The following RAI14 variants were observed in gnomAD, a reference collection of about 807,000 sequenced individuals.
The protein encoded by RAI14 is ankycorbin.
In RAI14, 45 loss-of-function variants were observed where a neutral mutation model predicts 115.4. The observed-to-expected ratio is 0.39, with a 90% CI of 0.31 to 0.50. The LOEUF (loss-of-function observed/expected upper bound fraction) is 0.50. Among genes scored for constraint, RAI14 ranks in the 20% least tolerant of loss-of-function variants. The probability of loss-of-function intolerance (pLI) is 0.85; values close to 1 mark genes in which losing one functional copy is unlikely to be tolerated. For missense variants in RAI14, 939 were observed against 1,131.2 expected (o/e 0.83, Z 2.44); for synonymous variants, 371 against 415.4 (o/e 0.89, Z 1.30).
rs1355946206 is a variant in RAI14, at chr5:34,813,617, C to CA, written c.816dup (p.Arg273ThrfsTer15). ...ATAAGCTCAGAAAGAAGTGGAACTC[C>CA]AAAAAAACGCAAAGCTCCACCACCT... On this transcript the variant is annotated frameshift_variant, in exon 11 of 18. Coordinates refer to ENST00000265109, the MANE Select transcript of RAI14 (RefSeq NM_015577.3). LOFTEE classifies it high-confidence loss of function. The CA allele has an allele frequency of 6.2e-7, 1 of 1,613,204 alleles. No individual in the cohort carries two copies. The highest frequency in any genetic ancestry group is 1.1e-5 in the South Asian group (1 of 90,996).
At chr5:34,816,957 T>A (rs529394567) in intron 12 of RAI14, among the ~76,000 whole-genome samples, 73 of 151,716 alleles carry the variant, frequency 4.8e-4, no homozygotes, top group African/African-American at 1.7e-3. Context: ...TATTCCTACG[T>A]TAGCTTAGGG....
rs1481940202 is a variant in RAI14, at chr5:34,823,238, C to G, written c.1396C>G (p.Leu466Val). The change falls in exon 15 of 18, where the codon CTG becomes GTG. Residue 466 changes from leucine (L) to valine (V), a missense_variant. By Grantham distance (32) the Leu-to-Val change is conservative. Coordinates refer to ENST00000265109, the MANE Select transcript of RAI14 (RefSeq NM_015577.3). The surrounding 1 kb of genome is among the most constrained non-coding windows in gnomAD (Gnocchi z 4.5). ...QVELQSRRAELVCLNNTEISE... is the reference protein window; with the variant it reads ...QVELQSRRAEVVCLNNTEISE... ...CGAACTCCAATCCCGAAGGGCAGAA[C>G]TGGTATGCTTAAACAACACTGAGAT... is the stretch of plus-strand genomic sequence containing the variant. 1 of 1,614,084 alleles carries G rather than the reference C, an allele frequency of 6.2e-7. No individual in the cohort carries two copies. The highest frequency in any genetic ancestry group is 1.7e-5 in the Admixed American group (1 of 60,030).
chr5:34,796,034 G>A lies in RAI14; in HGVS notation c.256+7G>A. On this transcript the variant is annotated splice_region_variant and intron_variant, in intron 4 of 17. Coordinates refer to ENST00000265109, the MANE Select transcript of RAI14 (RefSeq NM_015577.3). ...ACAGCCCAAGATACTACCGGTATGT[G>A]GTTTTTAGTCTCTTAAGTCAGCAGG... 6.3e-7 allele frequency: 1 copy of A among 1,598,696 alleles called. No homozygotes were observed. The highest frequency in any genetic ancestry group is 8.6e-7 in the Non-Finnish European group (1 of 1,166,830).
At chr5:34,776,357 C>T (rs1217116405) in intron 3 of RAI14, among the ~76,000 whole-genome samples, 1 of 151,624 alleles carries the variant, frequency 6.6e-6, no homozygotes, top group African/African-American at 2.4e-5. Context: ...TTTGATAGCA[C>T]CACAGAATGA....
intron 2 of RAI14, chr5:34,687,623 C>G (rs1423139382): frequency 1.9e-6 from 3 of 1,546,830 alleles, no homozygotes; most frequent in African/African-American, 2.7e-5. Context: ...CCCCATAAAC[C>G]CTTCTATGAT....
intron 2 of RAI14, among the ~76,000 whole-genome samples, chr5:34,754,525 G>GTAGAGACGGGGTTTCACC (rs1284386794): frequency 5.6e-4 from 80 of 142,074 alleles, no homozygotes; most frequent in Non-Finnish European, 8.6e-4. Context: ...ACCACGCCCA[G>GTAGAGACGGGGTTTCACC]GCTCTTACCT....
chr5:34,799,521 C>CACACAG (rs1329762206), intron 4 of RAI14, among the ~76,000 whole-genome samples: 3 of 111,300 alleles, frequency 2.7e-5, no homozygotes, highest in Non-Finnish European at 6.2e-5. Context: ...CACACACACA[C>CACACAG]ACACACACAC....
intron 3 of RAI14, among the ~76,000 whole-genome samples, chr5:34,789,596 T>G (rs1752693856): frequency 6.6e-6 from 1 of 152,146 alleles, no homozygotes; most frequent in Non-Finnish European, 1.5e-5. Context: ...GCCCCTCCTT[T>G]CCCCTCTCTT....
intron 2 of RAI14, among the ~76,000 whole-genome samples, chr5:34,731,667 T>C (rs1744200351): frequency 6.6e-6 from 1 of 152,128 alleles, no homozygotes; most frequent in African/African-American, 2.4e-5. Context: ...AAAAAGGTAA[T>C]AAGCATCTCA....
chr5:34,714,786 T>C (rs1311297913), intron 2 of RAI14, among the ~76,000 whole-genome samples: 1 of 152,220 alleles, frequency 6.6e-6, no homozygotes, highest in Non-Finnish European at 1.5e-5. Flanking sequence ...AGGAACTTGT[T>C]GGTCTGCTGA....
chr5:34,727,929 A>T (rs1006514987), intron 2 of RAI14, among the ~76,000 whole-genome samples: 1 of 152,188 alleles, frequency 6.6e-6, no homozygotes, highest in African/African-American at 2.4e-5. Flanking sequence ...AGCTGTGAGA[A>T]GAAGGCCACT....
At chr5:34,802,110 G>GGCAGAAC (rs1754343361) in intron 4 of RAI14, among the ~76,000 whole-genome samples, 2 of 152,124 alleles carry the variant, frequency 1.3e-5, no homozygotes, top group Admixed American at 1.3e-4. Context: ...GCTTGATATT[G>GGCAGAAC]CCCCCCAGGG....
At chr5:34,799,977 A>G (rs2150223102) in intron 4 of RAI14, among the ~76,000 whole-genome samples, 1 of 152,236 alleles carries the variant, frequency 6.6e-6, no homozygotes, top group Admixed American at 6.5e-5. Context: ...GTGAGCCACC[A>G]CGCCCGGCCA....
chr5:34,658,721 C>T (rs1742465995), intron 1 of RAI14, among the ~76,000 whole-genome samples: 1 of 152,070 alleles, frequency 6.6e-6, no homozygotes, highest in Non-Finnish European at 1.5e-5. Flanking sequence ...TCGCTTGAAC[C>T]CGGGAGGTGG....
chr5:34,682,499 A>T (rs1744463309), intron 1 of RAI14, among the ~76,000 whole-genome samples: 1 of 151,416 alleles, frequency 6.6e-6, no homozygotes, highest in African/African-American at 2.5e-5. Flanking sequence ...TTATTTTTTT[A>T]AAGGGAAAAT....
At chr5:34,768,637 T>A (rs917670277) in intron 3 of RAI14, among the ~76,000 whole-genome samples, 5 of 152,116 alleles carry the variant, frequency 3.3e-5, no homozygotes, top group African/African-American at 1.2e-4. Flanking sequence ...AAGTACCATT[T>A]CCAGACTATC....
At chr5:34,702,040 C>T (rs1391911574) in intron 2 of RAI14, among the ~76,000 whole-genome samples, 1 of 152,178 alleles carries the variant, frequency 6.6e-6, no homozygotes, top group Non-Finnish European at 1.5e-5. Flanking sequence ...TCTTGATCTC[C>T]TGGCCTCAAG....
At chr5:34,765,258 G>A (rs770610481) in intron 3 of RAI14, among the ~76,000 whole-genome samples, 2 of 152,238 alleles carry the variant, frequency 1.3e-5, no homozygotes, top group African/African-American at 4.8e-5. Flanking sequence ...AAATGTGGAA[G>A]TGACTTTGGA....
chr5:34,742,818 C>T (rs1011389097), intron 2 of RAI14, among the ~76,000 whole-genome samples: 2 of 152,124 alleles, frequency 1.3e-5, no homozygotes, highest in Admixed American at 6.5e-5. Flanking sequence ...CGCCTGCCAC[C>T]ACACCTGGCT....
Sources: allele counts gnomAD v4.1 joint callset (sites outside exome capture counted in the v4.1 genomes callset), GRCh38; gene constraint gnomAD v4.1.1; non-coding constraint Gnocchi (gnomAD v3.1); transcripts MANE v1.5; gene names NCBI Gene and HGNC (gene_info 2026-07-23, HGNC 2026-07-21).